The following CCSER1 variants were observed in gnomAD, a reference collection of about 807,000 sequenced individuals.
The protein encoded by CCSER1 is serine-rich coiled-coil domain-containing protein 1.
A neutral mutation model predicts 82.0 loss-of-function variants in CCSER1; 41 were observed. The ratio of observed to expected loss-of-function variants is 0.50; its 90% CI spans 0.39 to 0.65. The LOEUF is 0.65. CCSER1 is among the 30% of genes least tolerant of loss of function. CCSER1 has a pLI of 0.00. For synonymous variants in CCSER1, 414 were observed against 383.9 expected (o/e 1.08, Z -0.92); for missense variants, 1,119 against 1,064.2 (o/e 1.05, Z -0.72).
At chr4:90,696,104 C>T (rs1736960048) in intron 6 of CCSER1, among the ~76,000 whole-genome samples, 1 of 151,938 alleles carries the variant, frequency 6.6e-6, no homozygotes, top group Non-Finnish European at 1.5e-5. Flanking sequence ...AGGCAGTGAA[C>T]ATTAAAGCTG....
chr4:90,799,553 C>T (rs772924168), intron 7 of CCSER1, among the ~76,000 whole-genome samples: 7 of 152,052 alleles, frequency 4.6e-5, no homozygotes, highest in Admixed American at 3.9e-4. Flanking sequence ...CCAAGTAACC[C>T]GAGACTGCCC....
chr4:91,491,626 T>A (rs1758548575), intron 10 of CCSER1, among the ~76,000 whole-genome samples: 1 of 152,126 alleles, frequency 6.6e-6, no homozygotes, highest in Non-Finnish European at 1.5e-5. Context: ...AAAACTTATT[T>A]ACCTTATCTC....
chr4:91,552,089 A>T (rs1427476227), intron 10 of CCSER1, among the ~76,000 whole-genome samples: 1 of 151,740 alleles, frequency 6.6e-6, no homozygotes, highest in Non-Finnish European at 1.5e-5. Context: ...TAAAAATTTG[A>T]ATATAATTTT....
intron 10 of CCSER1, among the ~76,000 whole-genome samples, chr4:91,433,079 A>G (rs531689360): frequency 2.2e-4 from 34 of 152,316 alleles, no homozygotes; most frequent in Admixed American, 2.0e-3. Context: ...TATAAGCCAC[A>G]TTAATTTACT....
intron 10 of CCSER1, among the ~76,000 whole-genome samples, chr4:91,228,209 C>T (rs1332965235): frequency 1.3e-5 from 2 of 152,008 alleles, no homozygotes; most frequent in South Asian, 2.1e-4. Flanking sequence ...TCCTGCTACT[C>T]GGTTTCTTAA....
chr4:90,458,513 T>A (rs1302868787), intron 4 of CCSER1, among the ~76,000 whole-genome samples: 1 of 152,124 alleles, frequency 6.6e-6, no homozygotes. Context: ...CCACCATGCC[T>A]GGCTAATTTT....
At chr4:90,453,006 A>C (rs906312970) in intron 4 of CCSER1, among the ~76,000 whole-genome samples, 3 of 152,166 alleles carry the variant, frequency 2.0e-5, no homozygotes, top group Non-Finnish European at 4.4e-5. Context: ...ATTTCATCAG[A>C]GTTGGGACAT....
chr4:90,719,984 G>A (rs1414456419), intron 6 of CCSER1, among the ~76,000 whole-genome samples: 1 of 151,848 alleles, frequency 6.6e-6, no homozygotes, highest in African/African-American at 2.4e-5. Flanking sequence ...GAATTTTTCT[G>A]AAAAAAATGG....
At chr4:90,583,198 G>A (rs557576354) in intron 5 of CCSER1, among the ~76,000 whole-genome samples, 42 of 152,112 alleles carry the variant, frequency 2.8e-4, no homozygotes, top group East Asian at 2.3e-3. Context: ...ACGGAGTCTC[G>A]CTCTGTCGCC....
intron 8 of CCSER1, among the ~76,000 whole-genome samples, chr4:90,856,934 T>A (rs975325111): frequency 8.4e-6 from 1 of 119,412 alleles, no homozygotes; most frequent in African/African-American, 4.3e-5. Flanking sequence ...CGGAGCTGGA[T>A]TTTTTTTTTT....
At chr4:91,217,627 G>A (rs1359951634) in intron 10 of CCSER1, among the ~76,000 whole-genome samples, 3 of 151,692 alleles carry the variant, frequency 2.0e-5, no homozygotes, top group South Asian at 2.1e-4. Context: ...ACAGAGTGTC[G>A]ATTGGTGCAC....
At chr4:91,414,102 T>C (rs1029140587) in intron 10 of CCSER1, among the ~76,000 whole-genome samples, 1 of 152,090 alleles carries the variant, frequency 6.6e-6, no homozygotes, top group Non-Finnish European at 1.5e-5. Context: ...TAAGAAAATA[T>C]AAAACTCACT....
At chr4:90,928,331 T>A (rs1208192432) in intron 9 of CCSER1, among the ~76,000 whole-genome samples, 1 of 151,988 alleles carries the variant, frequency 6.6e-6, no homozygotes, top group Non-Finnish European at 1.5e-5. Context: ...TGTAATGGAG[T>A]CACATCTTAT....
At chr4:90,545,211 T>C (rs1776612993) in intron 5 of CCSER1, among the ~76,000 whole-genome samples, 1 of 152,084 alleles carries the variant, frequency 6.6e-6, no homozygotes, top group African/African-American at 2.4e-5. Context: ...ACAGAGGAAG[T>C]CTTTCGACAT....
rs1776033748 is a variant in CCSER1 at position 90,541,001 on chromosome 4, T to C, written c.1724+72647T>C. ...AAAATCCTACATTTAAAATTTTCACTAAGTTCACTATTTGAAATTCCACCA... is the reference window on the plus strand; with the variant it reads ...AAAATCCTACATTTAAAATTTTCACCAAGTTCACTATTTGAAATTCCACCA... On this transcript the variant is annotated intron_variant, in intron 5 of 10. Transcript: ENST00000509176. Among the ~76,000 whole-genome samples, 3 of 152,080 alleles carry C rather than the reference T, an allele frequency of 2.0e-5. No individual in the cohort carries two copies. The South Asian group carries it at 6.2e-4, about 31-fold the overall frequency.
chr4:90,975,042 G>A (rs1581242418), intron 9 of CCSER1, among the ~76,000 whole-genome samples: 1 of 151,496 alleles, frequency 6.6e-6, no homozygotes, highest in Admixed American at 6.6e-5. Flanking sequence ...AACATGTAGT[G>A]AAATACTGAT....
chr4:91,274,685 TC>T (rs1418839118), intron 10 of CCSER1, among the ~76,000 whole-genome samples: 88 of 152,298 alleles, frequency 5.8e-4, no homozygotes, highest in African/African-American at 2.0e-3. Context: ...CAAATAGTAT[TC>T]TCTTGTGTAT....
intron 3 of CCSER1, among the ~76,000 whole-genome samples, chr4:90,334,760 A>G (rs969324572): frequency 2.6e-5 from 4 of 152,272 alleles, no homozygotes; most frequent in South Asian, 2.1e-4. Context: ...AAGGACACCA[A>G]TGAATTATTT....
At chr4:90,390,954 T>G (rs1750895798) in intron 3 of CCSER1, among the ~76,000 whole-genome samples, 1 of 151,940 alleles carries the variant, frequency 6.6e-6, no homozygotes, top group South Asian at 2.1e-4. Flanking sequence ...ATCTCTTGTT[T>G]TTTGACTTTT....
Sources: allele counts gnomAD v4.1 joint callset (sites outside exome capture counted in the v4.1 genomes callset), GRCh38; gene constraint gnomAD v4.1.1; transcripts MANE v1.5; gene names NCBI Gene and HGNC (gene_info 2026-07-23, HGNC 2026-07-21).